Variants in NSMCE2 observed in about 807,000 individuals in gnomAD.
The protein encoded by NSMCE2 is E3 SUMO-protein ligase NSE2.
A neutral mutation model predicts 23.8 loss-of-function variants in NSMCE2; 24 were observed. The observed-to-expected ratio is 1.01, with a 90% confidence interval of 0.73 to 1.42. NSMCE2 has a LOEUF of 1.42. Among genes scored for constraint, NSMCE2 ranks in the 40% most tolerant of loss-of-function variants. The pLI is 0.00. For synonymous variants in NSMCE2, 92 were observed against 94.1 expected, an observed-to-expected ratio of 0.98 and a Z score of 0.13; for missense variants, 284 against 296.5, an observed-to-expected ratio of 0.96 and a Z score of 0.31.
At chr8:125,184,623 C>T (rs991644268) in intron 5 of NSMCE2, among the ~76,000 whole-genome samples, 3 of 151,998 alleles carry the variant, frequency 2.0e-5, no homozygotes, top group African/African-American at 7.2e-5. Context: ...GAAAAATACT[C>T]TATAAGATCT....
At chr8:125,207,671 C>T (rs1299237093) in intron 5 of NSMCE2, among the ~76,000 whole-genome samples, 1 of 152,190 alleles carries the variant, frequency 6.6e-6, no homozygotes, top group Admixed American at 6.5e-5. Context: ...TGGCTCGTGA[C>T]TATTTGGCTT....
At chr8:125,313,192 AAG>A (rs768202872) in intron 5 of NSMCE2, among the ~76,000 whole-genome samples, 14 of 148,814 alleles carry the variant, frequency 9.4e-5, no homozygotes, top group South Asian at 4.4e-4. Context: ...AGGAGAAAGA[AAG>A]AGAGAGAGAA....
chr8:125,346,062 C>T (rs1442546792), intron 5 of NSMCE2, among the ~76,000 whole-genome samples: 5 of 152,064 alleles, frequency 3.3e-5, no homozygotes, highest in African/African-American at 1.2e-4. Context: ...GAGGCTGAGG[C>T]AGGAGAATCG....
At chr8:125,131,646 G>A (rs923491568) in intron 3 of NSMCE2, among the ~76,000 whole-genome samples, 2 of 152,140 alleles carry the variant, frequency 1.3e-5, no homozygotes, top group Non-Finnish European at 1.5e-5. Flanking sequence ...CTTGAGAGGA[G>A]AGATTATGTC....
intron 3 of NSMCE2, among the ~76,000 whole-genome samples, chr8:125,150,519 C>T (rs1271185296): frequency 7.6e-6 from 1 of 130,910 alleles, no homozygotes. Context: ...CTGCAACCTT[C>T]ATGTCCTGGG....
chr8:125,197,301 G>A (rs1345659668), intron 5 of NSMCE2, among the ~76,000 whole-genome samples: 1 of 152,124 alleles, frequency 6.6e-6, no homozygotes, highest in Admixed American at 6.5e-5. Context: ...GTATTGCCTA[G>A]GTTTTCTTCT....
intron 5 of NSMCE2, among the ~76,000 whole-genome samples, chr8:125,189,443 A>G (rs13249982): frequency 0.21 from 31,564 of 152,218 alleles, 4,176 homozygotes; most frequent in African/African-American, 0.37. Context: ...TTAAGGCTAA[A>G]ACTTGCCTGG....
At chr8:125,105,167 G>A (rs1393180927) in intron 3 of NSMCE2, among the ~76,000 whole-genome samples, 1 of 152,150 alleles carries the variant, frequency 6.6e-6, no homozygotes, top group African/African-American at 2.4e-5. Flanking sequence ...ATTTTGTTTA[G>A]TTTTTCAGTC....
rs375887995 is a variant in NSMCE2, at chr8:125,102,180, A to T, written c.-15+34A>T. On this transcript the variant is annotated intron_variant, in intron 2 of 7. Coordinates refer to ENST00000287437, the MANE Select transcript of NSMCE2 (RefSeq NM_173685.4). ...CACAGTGATTTGGTGTCTTCTCTAT[A>T]GGATATACAGAATAGTGTGGCATTT... The T allele has an allele frequency of 9.9e-5, 63 of 637,420 alleles. 1 individual carries two copies. The allele number at this position is 637,420 out of a possible 1,614,324, so 39.5% of individuals were successfully genotyped here.
At chr8:125,096,456 A>G (rs1313263112) in intron 1 of NSMCE2, among the ~76,000 whole-genome samples, 1 of 151,884 alleles carries the variant, frequency 6.6e-6, no homozygotes, top group Non-Finnish European at 1.5e-5. Context: ...TTTCAGTGTA[A>G]CCCATTATCT....
intron 4 of NSMCE2, among the ~76,000 whole-genome samples, chr8:125,162,953 A>G (rs1821698046): frequency 6.6e-6 from 1 of 152,230 alleles, no homozygotes; most frequent in Non-Finnish European, 1.5e-5. Context: ...TAAATCTCAT[A>G]TAACAGTTCA....
At chr8:125,345,022 A>G (rs1415554353) in intron 5 of NSMCE2, among the ~76,000 whole-genome samples, 1 of 151,660 alleles carries the variant, frequency 6.6e-6, no homozygotes, top group African/African-American at 2.4e-5. Flanking sequence ...GGTAAAGTCA[A>G]CAAACTTAAA....
chr8:125,359,685 A>G (rs981352138), intron 7 of NSMCE2, among the ~76,000 whole-genome samples: 2 of 152,222 alleles, frequency 1.3e-5, no homozygotes, highest in African/African-American at 4.8e-5. Context: ...AATCGTTGTA[A>G]TCACCTCATT....
intron 5 of NSMCE2, among the ~76,000 whole-genome samples, chr8:125,318,416 A>G (rs555610143): frequency 6.6e-5 from 10 of 152,228 alleles, no homozygotes; most frequent in African/African-American, 2.2e-4. Context: ...TCAAAAAGTA[A>G]AATAATGTTT....
chr8:125,222,661 C>T (rs900584696), intron 5 of NSMCE2, among the ~76,000 whole-genome samples: 24 of 152,158 alleles, frequency 1.6e-4, no homozygotes, highest in African/African-American at 5.8e-4. Flanking sequence ...AGCATAGTGC[C>T]CTCCAGGTTC....
At chr8:125,148,644 G>A (rs918298223) in intron 3 of NSMCE2, among the ~76,000 whole-genome samples, 1 of 152,234 alleles carries the variant, frequency 6.6e-6, no homozygotes, top group East Asian at 1.9e-4. Flanking sequence ...TCTTTGTTCA[G>A]GTTACCAGCC....
At chr8:125,173,242 C>A (rs750797355) in intron 4 of NSMCE2, among the ~76,000 whole-genome samples, 7 of 152,202 alleles carry the variant, frequency 4.6e-5, no homozygotes, top group Non-Finnish European at 1.0e-4. Flanking sequence ...AATCATTCTT[C>A]ACTTGGGTGC....
intron 5 of NSMCE2, among the ~76,000 whole-genome samples, chr8:125,349,245 T>C (rs1372035760): frequency 6.6e-6 from 1 of 152,118 alleles, no homozygotes; most frequent in Non-Finnish European, 1.5e-5. Flanking sequence ...ACTAAAGAAT[T>C]TCAAACTTGG....
intron 5 of NSMCE2, among the ~76,000 whole-genome samples, chr8:125,236,346 A>T (rs1372157735): frequency 6.7e-6 from 1 of 150,012 alleles, no homozygotes; most frequent in Non-Finnish European, 1.5e-5. Flanking sequence ...GATTAAATGT[A>T]AAAGGACGAG....
Sources: allele counts gnomAD v4.1 joint callset (sites outside exome capture counted in the v4.1 genomes callset), GRCh38; gene constraint gnomAD v4.1.1; transcripts MANE v1.5; gene names NCBI Gene and HGNC (gene_info 2026-07-23, HGNC 2026-07-21).